SSBP3: variants seen among roughly 807,000 people sequenced by gnomAD.
The protein encoded by SSBP3 is single-stranded DNA-binding protein 3.
A neutral mutation model predicts 69.6 loss-of-function variants in SSBP3; 5 were observed. The observed-to-expected ratio is 0.07, with a 90% confidence interval of 0.04 to 0.15. SSBP3 has a LOEUF of 0.15. Ranked by LOEUF, SSBP3 falls within the 10% of genes least tolerant of loss-of-function variation. SSBP3 has a pLI of 1.00. For missense variants in SSBP3, 312 were observed against 534.0 expected (o/e 0.58, Z 4.10); for synonymous variants, 196 against 193.4 (o/e 1.01, Z -0.11).
intron 6 of SSBP3, 118 bp from the exon 7 acceptor site, chr1:54,257,304 T>A: frequency 1.1e-6 from 1 of 877,648 alleles, no homozygotes; most frequent in Non-Finnish European, 1.7e-6. Context: ...TTAAGTTCTT[T>A]CTCCTGCTAG....
At chr1:54,322,042 C>T (rs1409493282) in intron 4 of SSBP3, among the ~76,000 whole-genome samples, 1 of 152,184 alleles carries the variant, frequency 6.6e-6, no homozygotes, top group Non-Finnish European at 1.5e-5. Flanking sequence ...GTCTACCAGA[C>T]CTCAAAGGCT....
intron 4 of SSBP3, among the ~76,000 whole-genome samples, chr1:54,350,572 C>T (rs1019221723): frequency 2.0e-5 from 3 of 152,318 alleles, no homozygotes; most frequent in South Asian, 4.1e-4. Context: ...GTGCACAACC[C>T]GGGTTTGGCT....
chr1:54,227,997 T>A (rs531737608), intron 17 of SSBP3, among the ~76,000 whole-genome samples: 1 of 152,294 alleles, frequency 6.6e-6, no homozygotes, highest in East Asian at 1.9e-4. Context: ...CCCAGGGCTC[T>A]CCCGGCCGTA....
upstream of SSBP3, among the ~76,000 whole-genome samples, chr1:54,406,889 T>TCC (rs1307974153): frequency 1.8e-5 from 2 of 113,550 alleles, no homozygotes; most frequent in Non-Finnish European, 3.5e-5. Context: ...TATCTCGCCC[T>TCC]CCGCTCTTGG....
chr1:54,336,218 T>C (rs1249833862), intron 4 of SSBP3, among the ~76,000 whole-genome samples: 1 of 152,252 alleles, frequency 6.6e-6, no homozygotes, highest in East Asian at 1.9e-4. Flanking sequence ...CAGTGGGCTA[T>C]CCTGTTTCCT....
intron 5 of SSBP3, among the ~76,000 whole-genome samples, chr1:54,265,520 C>T (rs775127452): frequency 8.5e-5 from 13 of 152,132 alleles, no homozygotes; most frequent in African/African-American, 1.4e-4. Flanking sequence ...GCGTGGTCCC[C>T]GAGAGCTCAC....
chr1:54,281,526 C>T (rs1293358261), exon 5 of SSBP3: 1 of 1,560,534 alleles, frequency 6.4e-7, no homozygotes, highest in Non-Finnish European at 8.7e-7. Flanking sequence ...AGCTGCTGCA[C>T]TCTGTGGAGA....
intron 4 of SSBP3, among the ~76,000 whole-genome samples, chr1:54,373,056 G>A (rs932515160): frequency 1.3e-5 from 2 of 152,188 alleles, no homozygotes; most frequent in African/African-American, 2.4e-5. Context: ...CTGTGCACGC[G>A]TGACTCTGTG....
intron 4 of SSBP3, among the ~76,000 whole-genome samples, chr1:54,285,935 T>G (rs1397158187): frequency 6.6e-6 from 1 of 152,160 alleles, no homozygotes; most frequent in East Asian, 1.9e-4. Flanking sequence ...ATGTGTCCAA[T>G]GATGGTGTTA....
intron 4 of SSBP3, among the ~76,000 whole-genome samples, chr1:54,376,158 T>A (rs1647227454): frequency 6.8e-6 from 1 of 147,442 alleles, no homozygotes; most frequent in Admixed American, 6.7e-5. Context: ...TGGTCTCCCC[T>A]CCACCCTGTT....
intron 14 of SSBP3, chr1:54,237,721 C>G (rs1299769757): frequency 6.2e-6 from 1 of 160,990 alleles, no homozygotes; most frequent in African/African-American, 2.4e-5. Context: ...TTAGGAAATA[C>G]AGTCACAATA....
chr1:54,278,745 T>C (rs865901474), intron 5 of SSBP3, among the ~76,000 whole-genome samples: 30 of 152,240 alleles, frequency 2.0e-4, no homozygotes, highest in African/African-American at 6.3e-4. Flanking sequence ...GCCGACTCCC[T>C]GGTGCAAAGC....
Position 54,314,011 on chromosome 1 carries a change from G to A in SSBP3, c.277-32484C>T, listed in dbSNP as rs532706431. Among the ~76,000 whole-genome samples the A allele has an allele frequency of 3.3e-5, 5 of 152,264 alleles. No individual in the cohort carries two copies. The East Asian group carries it at 7.7e-4, about 24-fold the overall frequency. ...AGTCCTGACATCAGGTGATCCACCCGCCTCGGCCTCCCAAAGTGCTGGGAT... is the reference window on the plus strand; with the variant it reads ...AGTCCTGACATCAGGTGATCCACCCACCTCGGCCTCCCAAAGTGCTGGGAT... On this transcript the variant is annotated intron_variant, in intron 4 of 17. Transcript: ENST00000610401.
At chr1:54,307,042 G>A (rs903052293) in intron 4 of SSBP3, among the ~76,000 whole-genome samples, 7 of 152,108 alleles carry the variant, frequency 4.6e-5, no homozygotes, top group Non-Finnish European at 7.4e-5. Context: ...ACAGCCTCCA[G>A]GAGGAAGGCC....
intron 4 of SSBP3, chr1:54,356,373 A>C (rs1380752540): frequency 6.6e-6 from 1 of 152,222 alleles, no homozygotes; most frequent in African/African-American, 2.4e-5. Context: ...GCGCCCCACC[A>C]AACAACCTGA....
chr1:54,268,041 C>G (rs1443365972), intron 5 of SSBP3, among the ~76,000 whole-genome samples: 1 of 152,262 alleles, frequency 6.6e-6, no homozygotes, highest in Non-Finnish European at 1.5e-5. Context: ...TCCCAGCCTT[C>G]TTTAATGCTG....
At chr1:54,280,327 A>G (rs10788976) in intron 5 of SSBP3, among the ~76,000 whole-genome samples, 98,980 of 152,120 alleles carry the variant, frequency 0.65, 33,090 homozygotes, top group African/African-American at 0.77. Flanking sequence ...TTGCTTAGAC[A>G]TCTCTAGGGC....
intron 9 of SSBP3, 124 bp from the exon 10 acceptor site, chr1:54,243,423 A>G (rs1644677242): frequency 8.1e-7 from 1 of 1,231,482 alleles, no homozygotes; most frequent in Non-Finnish European, 1.2e-6. Context: ...ATGAGAAAAA[A>G]TAATACATTC....
chr1:54,261,723 G>A (rs1025422139), intron 5 of SSBP3, among the ~76,000 whole-genome samples: 5 of 152,188 alleles, frequency 3.3e-5, no homozygotes, highest in Non-Finnish European at 5.9e-5. Context: ...AGAGCTGGAT[G>A]CCTTCGGTTC....
Sources: gnomAD v4.1 joint callset for allele counts (sites outside exome capture counted in the v4.1 genomes callset) on GRCh38, gnomAD v4.1.1 for gene constraint, MANE v1.5 for transcripts, NCBI Gene and HGNC (gene_info 2026-07-23, HGNC 2026-07-21) for gene names.